The following HFM1 variants were observed in gnomAD, a reference collection of about 807,000 sequenced individuals.
HFM1 encodes the protein probable ATP-dependent DNA helicase HFM1.
In HFM1, 169 loss-of-function variants were observed where a neutral mutation model predicts 192.1. The ratio of observed to expected loss-of-function variants is 0.88; its 90% CI spans 0.78 to 1.00. HFM1 has a LOEUF of 1.00. Among genes scored for constraint, HFM1 ranks in the 50% least tolerant of loss-of-function variants. HFM1 has a pLI of 0.00. For missense variants in HFM1, 1,661 were observed against 1,668.0 expected (o/e 1.00, Z 0.07); for synonymous variants, 525 against 537.8 (o/e 0.98, Z 0.33).
chr1:91,365,072 A>G (rs571108102), intron 13 of HFM1, among the ~76,000 whole-genome samples: 4 of 152,244 alleles, frequency 2.6e-5, no homozygotes, highest in East Asian at 3.9e-4. Flanking sequence ...TTGCTAAGAC[A>G]CTAACTGAAA....
At chr1:91,345,655 A>G (rs1656033076) in intron 19 of HFM1, among the ~76,000 whole-genome samples, 2 of 152,176 alleles carry the variant, frequency 1.3e-5, no homozygotes, top group South Asian at 4.1e-4. Context: ...AGGACTTCAG[A>G]AACAAGAAAG....
At chr1:91,299,308 G>A (rs36193199) in intron 30 of HFM1, among the ~76,000 whole-genome samples, 45,343 of 151,908 alleles carry the variant, frequency 0.3, 7,047 homozygotes, top group Non-Finnish European at 0.34. Context: ...CCTACAAAGA[G>A]ACTTAGACTC....
chr1:91,403,465 A>G (rs75815369), intron 1 of HFM1, among the ~76,000 whole-genome samples: 2,766 of 152,278 alleles, frequency 0.018, 39 homozygotes, highest in Non-Finnish European at 0.029. Flanking sequence ...TTCATTATGT[A>G]AATCTTTTTT....
chr1:91,310,521 A>G (rs992612352), intron 30 of HFM1, among the ~76,000 whole-genome samples: 2 of 152,234 alleles, frequency 1.3e-5, no homozygotes, highest in South Asian at 2.1e-4. Flanking sequence ...TAACAATGGC[A>G]TAAGTATGGA....
intron 29 of HFM1, among the ~76,000 whole-genome samples, 180 bp downstream of exon 29, chr1:91,313,777 A>G (rs1326178268): frequency 6.6e-6 from 1 of 152,096 alleles, no homozygotes; most frequent in Non-Finnish European, 1.5e-5. Flanking sequence ...CATCTGGTCC[A>G]TGTTATGTTT....
chr1:91,394,297 T>A lies in HFM1; in HGVS notation c.290A>T (p.Asp97Val). ...TQKFQFAFPSDKYEQDDLNLE... is the reference protein window; with the variant it reads ...TQKFQFAFPSVKYEQDDLNLE... ...ATTTAGATCATCCTGTTCATATTTA[T>A]CAGAAGGAAAGGCAAACTGGAATTT... The change falls in exon 4 of 39, where the codon GAT becomes GTT. Residue 97 changes from aspartate (D) to valine (V), a missense_variant. Transcript: ENST00000370425. 1 of 1,593,012 alleles carries A rather than the reference T, an allele frequency of 6.3e-7. No individual in the cohort carries two copies. Among genetic ancestry groups the A allele is most frequent in the Non-Finnish European group, 8.6e-7 (1 of 1,160,992 alleles).
chr1:91,375,552 T>C lies in HFM1; in HGVS notation c.1571A>G (p.Tyr524Cys). 1.2e-6 allele frequency: 2 copies of C among 1,613,316 alleles called. No homozygotes were observed. The highest frequency in any genetic ancestry group is 1.7e-6 in the Non-Finnish European group (2 of 1,179,492). Residue 524 changes from tyrosine (Y) to cysteine (C), a missense_variant, in exon 12 of 39, where the codon TAC (tyrosine) becomes TGC (cysteine). Transcript: ENST00000370425. ...CACAAGTGTGGGTTTCTGATCAGAG[T>C]ACATTTGTATAACACTGGCAATTTT... ...NYKIASVIQMYSDQKPTLVFC... is the reference protein window; with the variant it reads ...NYKIASVIQMCSDQKPTLVFC...
intron 13 of HFM1, 105 bp downstream of exon 13, chr1:91,375,253 A>C (rs1229435514): frequency 4.3e-6 from 3 of 694,572 alleles, no homozygotes; most frequent in Non-Finnish European, 7.5e-6. Context: ...ATAGATGAGG[A>C]CACTGAGGTT....
intron 30 of HFM1, among the ~76,000 whole-genome samples, chr1:91,308,535 T>C (rs1649976827): frequency 6.6e-6 from 1 of 152,196 alleles, no homozygotes; most frequent in African/African-American, 2.4e-5. Context: ...ATTTTATACT[T>C]TTTTTAAAGA....
At chr1:91,396,820 C>CA (rs1398902786) in intron 2 of HFM1, among the ~76,000 whole-genome samples, 1 of 152,178 alleles carries the variant, frequency 6.6e-6, no homozygotes, top group Non-Finnish European at 1.5e-5. Context: ...ACTGGTATTC[C>CA]AGAGCTGGGA....
chr1:91,329,126 C>T (rs1477976217), intron 20 of HFM1: 1 of 1,609,834 alleles, frequency 6.2e-7, no homozygotes, highest in Non-Finnish European at 8.5e-7. Flanking sequence ...TGGATCTAAT[C>T]CAGAAGCACA....
At chr1:91,279,756 C>T (rs952760395) in intron 30 of HFM1, among the ~76,000 whole-genome samples, 9 of 152,166 alleles carry the variant, frequency 5.9e-5, no homozygotes, top group African/African-American at 1.7e-4. Context: ...TCAAATGGCA[C>T]CTCTGGGTTG....
At chr1:91,263,064 T>C (rs1338603720) in intron 36 of HFM1, among the ~76,000 whole-genome samples, 3 of 152,164 alleles carry the variant, frequency 2.0e-5, no homozygotes, top group African/African-American at 4.8e-5. Context: ...CACTATTATA[T>C]GCCAGATATT....
rs937442305 is a variant in HFM1 at position 91,317,941 on chromosome 1, A to G, written c.2812+1137T>C. Among the ~76,000 whole-genome samples the G allele has an allele frequency of 2.0e-5, 3 of 152,042 alleles. 1 individual carries two copies. Among genetic ancestry groups the G allele is most frequent in the African/African-American group, 7.3e-5 (3 of 41,378 alleles). On this transcript the variant is annotated intron_variant, in intron 25 of 38. Coordinates refer to ENST00000370425, the MANE Select transcript of HFM1 (RefSeq NM_001017975.6). Reference sequence around the variant, plus strand: ...AGCTGTAATGAGTGTGTGTGAAAACAGGTTAGTTTCAACAATCTGGAAGGG... The same window carrying G: ...AGCTGTAATGAGTGTGTGTGAAAACGGGTTAGTTTCAACAATCTGGAAGGG...
intron 20 of HFM1, among the ~76,000 whole-genome samples, chr1:91,333,316 C>G (rs988805797): frequency 6.6e-6 from 1 of 152,032 alleles, no homozygotes; most frequent in African/African-American, 2.4e-5. Flanking sequence ...GGATGGAACC[C>G]CAGGTCATTA....
Position 91,403,742 on chromosome 1 carries a change from A to G in HFM1, c.-28+1056T>C, listed in dbSNP as rs190853766. 3.1e-3 allele frequency among the ~76,000 whole-genome samples: 479 copies of G among 152,304 alleles called. 2 individuals are homozygous for G. The highest frequency in any genetic ancestry group is 6.1e-3 in the Non-Finnish European group (412 of 68,012). ...ATACTTAAGCTATTTTTGAGTCTAC[A>G]TAATTTGCGGTGCCGACCTTCTCTA... On this transcript the variant is annotated intron_variant, in intron 1 of 38. Coordinates refer to ENST00000370425, the MANE Select transcript of HFM1 (RefSeq NM_001017975.6).
chr1:91,299,393 A>C (rs1468393722), intron 30 of HFM1, among the ~76,000 whole-genome samples: 1 of 152,190 alleles, frequency 6.6e-6, no homozygotes, highest in African/African-American at 2.4e-5. Flanking sequence ...AACGTTAAAA[A>C]GGATATCCAG....
Position 91,385,795 on chromosome 1 carries a change from A to T in HFM1, c.534T>A (p.Tyr178Ter). ...GAGAGTCCAATTCATTGTCATTAGA[A>T]TAAGCACTCCCATGTATATTGTCAG... ...KISDNIHGSA[Y>*]SNDNELDSHI... Residue 178 changes from tyrosine (Y) to a stop codon, truncating the protein, a stop_gained, in exon 5 of 39, where the codon TAT becomes TAA. Transcript: ENST00000370425. LOFTEE classifies it high-confidence loss of function. The T allele has an allele frequency of 6.2e-7, 1 of 1,608,670 alleles. No individual in the cohort carries two copies.
At chr1:91,399,565 C>T (rs12564233) in intron 2 of HFM1, among the ~76,000 whole-genome samples, 14,671 of 152,204 alleles carry the variant, frequency 0.096, 747 homozygotes, top group East Asian at 0.17. Flanking sequence ...TCCCAAAGTT[C>T]CTCCTTCATG....
Sources: gnomAD v4.1 joint callset for allele counts (sites outside exome capture counted in the v4.1 genomes callset) on GRCh38, gnomAD v4.1.1 for gene constraint, MANE v1.5 for transcripts, NCBI Gene and HGNC (gene_info 2026-07-23, HGNC 2026-07-21) for gene names.